GLS: variants seen among roughly 807,000 people sequenced by gnomAD.
GLS encodes the protein glutaminase kidney isoform, mitochondrial.
A neutral mutation model predicts 86.7 loss-of-function variants in GLS; 36 were observed. The observed-to-expected ratio is 0.42, with a 90% CI of 0.32 to 0.55. GLS has a LOEUF of 0.55. Among genes scored for constraint, GLS ranks in the 20% least tolerant of loss-of-function variants. GLS has a pLI of 0.17. For missense variants in GLS, 528 were observed against 833.4 expected, an observed-to-expected ratio of 0.63 and a Z score of 4.51; for synonymous variants, 317 against 305.9, an observed-to-expected ratio of 1.04 and a Z score of -0.38.
intron 14 of GLS, among the ~76,000 whole-genome samples, chr2:190,936,602 CATTCACT>C (rs1690277861): frequency 1.3e-5 from 2 of 151,036 alleles, no homozygotes; most frequent in Admixed American, 1.3e-4. Flanking sequence ...TTACCATTCC[CATTCACT>C]ACCAGGACTG....
chr2:190,924,025 T>A lies in GLS; in HGVS notation c.1197+42T>A. The A allele has an allele frequency of 1.0e-6, 1 of 968,270 alleles. No individual in the cohort carries two copies. The highest frequency in any genetic ancestry group is 1.6e-6 in the Non-Finnish European group (1 of 613,862). 60.0% of individuals were successfully genotyped at this position (968,270 alleles called of 1,614,324 possible). ...TTCTATTTCAAATTATTCTTTCATT[T>A]AATAAAATACATGAAGATGTATGCT... On this transcript the variant is annotated intron_variant, in intron 10 of 17. Coordinates refer to ENST00000320717, the MANE Select transcript of GLS (RefSeq NM_014905.5). The surrounding 1 kb of genome is among the most constrained non-coding windows in gnomAD (Gnocchi z 5.2).
intron 6 of GLS, among the ~76,000 whole-genome samples, chr2:190,906,217 A>G (rs1374500533): frequency 6.6e-6 from 1 of 152,172 alleles, no homozygotes; most frequent in African/African-American, 2.4e-5. Flanking sequence ...TTTAATATTG[A>G]AAGAATTAAT....
rs546260364 is a variant in GLS, at chr2:190,905,547, A to G, written c.979+380A>G. ...TGCATGGGTGTTTGTATATTATTCT[A>G]TCTATTATATTGTATATAGTAGTTG... On this transcript the variant is annotated intron_variant, in intron 6 of 17. Transcript: ENST00000320717. The surrounding 1 kb of genome is among the most constrained non-coding windows in gnomAD (Gnocchi z 4.6). Among the ~76,000 whole-genome samples the G allele has an allele frequency of 6.6e-6, 1 of 152,228 alleles. No individual in the cohort carries two copies. Among genetic ancestry groups the G allele is most frequent in the Admixed American group, 6.5e-5 (1 of 15,300 alleles).
rs1432461381 is a variant in GLS at position 190,951,720 on chromosome 2, A to C, written c.1651-1845A>C. Among the ~76,000 whole-genome samples, 2 of 152,196 alleles carry C rather than the reference A, an allele frequency of 1.3e-5. No individual in the cohort carries two copies. The highest frequency in any genetic ancestry group is 4.8e-5 in the African/African-American group (2 of 41,452). ...AACCAACAAGAAAAAAAAATTGTCA[A>C]GCAGTAATGAGAGACCAGGTGGAAA... On this transcript the variant is annotated intron_variant, in intron 14 of 17. Transcript: ENST00000320717. This position sits in a 1 kb window ranked among gnomAD's most constrained non-coding sequence, Gnocchi z 4.2.
chr2:190,928,625 G>A (rs1689982210), intron 12 of GLS, among the ~76,000 whole-genome samples: 1 of 151,412 alleles, frequency 6.6e-6, no homozygotes, highest in East Asian at 1.9e-4. Context: ...GTGAGCCATT[G>A]CACCTGGCCT....
rs61213662 is a variant in GLS, at chr2:190,903,355, G to A, written c.815+1329G>A. ...GAACACCTAGGTCTCTTAACTTCTA[G>A]TCTATTTTTTCTTTCATTATTATAT... On this transcript the variant is annotated intron_variant, in intron 5 of 17. Coordinates refer to ENST00000320717, the MANE Select transcript of GLS (RefSeq NM_014905.5). 2.8e-3 allele frequency among the ~76,000 whole-genome samples: 430 copies of A among 152,284 alleles called. 2 individuals carry two copies. The highest frequency in any genetic ancestry group is 9.5e-3 in the African/African-American group (395 of 41,552).
chr2:190,958,389 G>A (rs1690912943), intron 17 of GLS, among the ~76,000 whole-genome samples: 2 of 152,070 alleles, frequency 1.3e-5, no homozygotes. Flanking sequence ...TGGATTCATT[G>A]ATTTTTTGAA....
chr2:190,934,455 C>CTTGAATGTTCT, intron 14 of GLS: 1 of 964,120 alleles, frequency 1.0e-6, no homozygotes, highest in Non-Finnish European at 1.2e-6. Context: ...TTTATGCTTA[C>CTTGAATGTTCT]TTGAATGTTC....
Position 190,881,012 on chromosome 2 carries a change from T to C in GLS, c.-73T>C. 1 of 1,473,492 alleles carries C rather than the reference T, an allele frequency of 6.8e-7. No homozygotes were observed. Among genetic ancestry groups the C allele is most frequent in the South Asian group, 1.2e-5 (1 of 82,022 alleles). The allele number at this position is 1,473,492 out of a possible 1,614,324, so 91.3% of individuals were successfully genotyped here. ...TCTCACCGCCCCACCACAGACCGCG[T>C]TCCCCGAGGAAACCGGCCGCCCACG... On this transcript the variant is annotated 5_prime_UTR_variant, in exon 1 of 18. Transcript: ENST00000320717.
chr2:190,894,053 A>G (rs1478832400), intron 1 of GLS, among the ~76,000 whole-genome samples: 3 of 152,128 alleles, frequency 2.0e-5, no homozygotes, highest in Non-Finnish European at 4.4e-5. Context: ...TTAGTGTTAC[A>G]CTAGTTTAGT....
chr2:190,924,776 G>A lies in GLS; in HGVS notation c.1248+183G>A. ...CTAAAAATACAAAAATTATTCGGGTGTGGTAGTGTGTGCCTGTAGTCCCAG... is the reference window on the plus strand; with the variant it reads ...CTAAAAATACAAAAATTATTCGGGTATGGTAGTGTGTGCCTGTAGTCCCAG... On this transcript the variant is annotated intron_variant, in intron 11 of 17. Coordinates refer to ENST00000320717, the MANE Select transcript of GLS (RefSeq NM_014905.5). This position sits in a 1 kb window ranked among gnomAD's most constrained non-coding sequence, Gnocchi z 5.2. The A allele has an allele frequency of 4.1e-6, 2 of 493,778 alleles. No individual in the cohort carries two copies. Among genetic ancestry groups the A allele is most frequent in the East Asian group, 7.6e-5 (2 of 26,348 alleles). The allele number at this position is 493,778 out of a possible 1,614,324, so 30.6% of individuals were successfully genotyped here. A position where few individuals can be genotyped will look rare whatever the true frequency, so the allele number is the denominator to read the frequency against.
At chr2:190,902,516 A>G (rs1688981775) in intron 5 of GLS, among the ~76,000 whole-genome samples, 1 of 152,214 alleles carries the variant, frequency 6.6e-6, no homozygotes, top group Admixed American at 6.5e-5. Flanking sequence ...AGTCCATGAA[A>G]GCAGCATTTG....
chr2:190,911,288 T>G (rs929719469), intron 7 of GLS, among the ~76,000 whole-genome samples: 6 of 152,078 alleles, frequency 3.9e-5, no homozygotes, highest in Admixed American at 6.6e-5. Flanking sequence ...TTCATCTAAC[T>G]TGTATACTAG....
chr2:190,941,116 C>T (rs577838664), intron 14 of GLS, among the ~76,000 whole-genome samples: 7 of 152,138 alleles, frequency 4.6e-5, no homozygotes, highest in African/African-American at 1.7e-4. Flanking sequence ...TAATATGTGC[C>T]AGAAACCGTG....
intron 17 of GLS, among the ~76,000 whole-genome samples, chr2:190,958,246 A>G (rs962123023): frequency 3.3e-5 from 5 of 152,232 alleles, no homozygotes; most frequent in African/African-American, 1.2e-4. Context: ...GTATTCTCTG[A>G]TGGTAGTTTG....
intron 14 of GLS, chr2:190,934,200 G>C (rs1054322172): frequency 2.5e-5 from 24 of 975,056 alleles, no homozygotes; most frequent in Non-Finnish European, 2.9e-5. Context: ...GTATGTATGT[G>C]GTAATGGAAA....
In GLS at chr2:190,913,458, CTG is replaced by C; in HGVS notation, c.1038+3140_1038+3141del. 2 of 918,062 alleles carry C rather than the reference CTG, an allele frequency of 2.2e-6. No individual in the cohort carries two copies. Among genetic ancestry groups the C allele is most frequent in the Non-Finnish European group, 2.7e-6 (2 of 750,566 alleles). The allele number at this position is 918,062 out of a possible 1,614,324, so 56.9% of individuals were successfully genotyped here. A position where few individuals can be genotyped will look rare whatever the true frequency, so the allele number is the denominator to read the frequency against. On this transcript the variant is annotated intron_variant, in intron 7 of 17. Coordinates refer to ENST00000320717, the MANE Select transcript of GLS (RefSeq NM_014905.5). This position sits in a 1 kb window ranked among gnomAD's most constrained non-coding sequence, Gnocchi z 6.1. ...GGTATTATACTTCCTCTCTTTTTCT[CTG>C]TGGTAGCTACTAACTTTAAAGGAAT...
chr2:190,914,310 G>A lies in GLS; in HGVS notation c.1038+3989G>A, dbSNP rs574376360. ...AATAACCTGTTAGGCATGCTTATAA[G>A]ACAGGTTTTTAAAGTAGTTTGTGAC... On this transcript the variant is annotated intron_variant, in intron 7 of 17. Coordinates refer to ENST00000320717, the MANE Select transcript of GLS (RefSeq NM_014905.5). This position sits in a 1 kb window ranked among gnomAD's most constrained non-coding sequence, Gnocchi z 4.4. 2.2e-4 allele frequency among the ~76,000 whole-genome samples: 33 copies of A among 152,122 alleles called. No homozygotes were observed. The highest frequency in any genetic ancestry group is 2.6e-4 in the Non-Finnish European group (18 of 67,992).
intron 14 of GLS, chr2:190,934,841 A>G (rs1204689638): frequency 1.0e-6 from 1 of 976,002 alleles, no homozygotes; most frequent in African/African-American, 1.8e-5. Flanking sequence ...ATGAGCAGAA[A>G]TTTTTATAGA....
Sources: gnomAD v4.1 joint callset for allele counts (sites outside exome capture counted in the v4.1 genomes callset) on GRCh38, gnomAD v4.1.1 for gene constraint, Gnocchi (gnomAD v3.1) non-coding constraint, MANE v1.5 for transcripts, NCBI Gene and HGNC (gene_info 2026-07-23, HGNC 2026-07-21) for gene names.